TNIK: variants seen among roughly 807,000 people sequenced by gnomAD.
TNIK encodes TRAF2 and NCK interacting kinase, also known as TRAF2 and NCK-interacting protein kinase.
Under a neutral mutation model 191.3 loss-of-function variants are expected in TNIK, and 49 were observed. That is an observed-to-expected ratio of 0.26 (90% CI 0.20 to 0.32). The LOEUF (loss-of-function observed/expected upper bound fraction) is 0.32. Ranked by LOEUF, TNIK falls within the 10% of genes least tolerant of loss-of-function variation. The pLI, the probability that TNIK is intolerant of heterozygous loss-of-function variation, is 1.00. For synonymous variants in TNIK, 594 were observed against 600.9 expected, an observed-to-expected ratio of 0.99 and a Z score of 0.17; for missense variants, 1,155 against 1,702.3, an observed-to-expected ratio of 0.68 and a Z score of 5.66.
intron 1 of TNIK, among the ~76,000 whole-genome samples, chr3:171,393,494 T>G (rs1377519089): frequency 6.6e-6 from 1 of 152,222 alleles, no homozygotes; most frequent in East Asian, 1.9e-4. Flanking sequence ...TACCACTGGT[T>G]TTTAAACTCC....
intron 10 of TNIK, among the ~76,000 whole-genome samples, chr3:171,163,803 T>G (rs747235181): frequency 2.4e-4 from 37 of 152,164 alleles, no homozygotes; most frequent in Non-Finnish European, 4.6e-4. Flanking sequence ...AATTTAATAT[T>G]TAATACTTCA....
At chr3:171,142,899 A>C (rs1306196855) in intron 12 of TNIK, among the ~76,000 whole-genome samples, 3 of 152,218 alleles carry the variant, frequency 2.0e-5, no homozygotes, top group African/African-American at 7.2e-5. Flanking sequence ...AAAGGAAAAT[A>C]ATCAAGCCCT....
At chr3:171,240,096 C>T (rs998664847) in intron 2 of TNIK, among the ~76,000 whole-genome samples, 4 of 152,160 alleles carry the variant, frequency 2.6e-5, no homozygotes, top group Non-Finnish European at 5.9e-5. Flanking sequence ...TATCAGGTAG[C>T]TTCGTCTCAA....
intron 23 of TNIK, among the ~76,000 whole-genome samples, chr3:171,089,475 T>C (rs558863145): frequency 6.6e-6 from 1 of 152,184 alleles, no homozygotes; most frequent in Non-Finnish European, 1.5e-5. Context: ...TGGCCTCTCT[T>C]GTATCAGCAG....
intron 2 of TNIK, among the ~76,000 whole-genome samples, chr3:171,247,695 A>T (rs1218768090): frequency 6.6e-6 from 1 of 152,236 alleles, no homozygotes; most frequent in Non-Finnish European, 1.5e-5. Flanking sequence ...TATGACTGCA[A>T]ATCAAGGAAA....
intron 2 of TNIK, among the ~76,000 whole-genome samples, chr3:171,368,684 T>A (rs1245902467): frequency 1.3e-5 from 2 of 152,158 alleles, no homozygotes; most frequent in Admixed American, 1.3e-4. Context: ...TTGAAAATAT[T>A]ACAACCTGAA....
intron 2 of TNIK, among the ~76,000 whole-genome samples, chr3:171,308,187 A>AT (rs1753662048): frequency 6.6e-6 from 1 of 152,200 alleles, no homozygotes. Context: ...CTACAGTGCT[A>AT]TAGTAACCAA....
At chr3:171,236,202 C>T (rs992343235) in intron 2 of TNIK, among the ~76,000 whole-genome samples, 4 of 152,156 alleles carry the variant, frequency 2.6e-5, no homozygotes, top group Non-Finnish European at 4.4e-5. Context: ...TTGTAAATTG[C>T]CACAAATCAC....
chr3:171,081,653 T>A (rs1196887773), intron 27 of TNIK, among the ~76,000 whole-genome samples: 1 of 151,038 alleles, frequency 6.6e-6, no homozygotes, highest in East Asian at 1.9e-4. Context: ...TCTTTTAGGT[T>A]GCATTTTTAA....
chr3:171,129,163 T>C (rs1728905278), intron 15 of TNIK, among the ~76,000 whole-genome samples: 1 of 152,194 alleles, frequency 6.6e-6, no homozygotes, highest in African/African-American at 2.4e-5. Flanking sequence ...TATCTTGTAT[T>C]GATTGTGATA....
chr3:171,105,463 G>T (rs1296462522), intron 21 of TNIK, among the ~76,000 whole-genome samples: 1 of 152,188 alleles, frequency 6.6e-6, no homozygotes, highest in Non-Finnish European at 1.5e-5. Context: ...ATCAGCCGTG[G>T]TTGAGAGCCA....
intron 2 of TNIK, among the ~76,000 whole-genome samples, chr3:171,359,476 T>C (rs1314727683): frequency 2.6e-5 from 4 of 152,142 alleles, no homozygotes; most frequent in South Asian, 2.1e-4. Flanking sequence ...TCTGCCTTTG[T>C]TGTAGAGAGG....
At chr3:171,069,886 G>A (rs575419262) in intron 29 of TNIK, among the ~76,000 whole-genome samples, 5 of 152,168 alleles carry the variant, frequency 3.3e-5, no homozygotes, top group African/African-American at 4.8e-5. Context: ...AAGCTCTAGC[G>A]TCCTGTCCTT....
chr3:171,204,306 A>G (rs1339598574), intron 4 of TNIK, among the ~76,000 whole-genome samples: 8 of 152,202 alleles, frequency 5.3e-5, no homozygotes, highest in African/African-American at 1.9e-4. Flanking sequence ...GCTAAACAAG[A>G]GTTTATCTCT....
At chr3:171,290,512 AATTATT>A (rs1009378986) in intron 2 of TNIK, among the ~76,000 whole-genome samples, 43 of 152,338 alleles carry the variant, frequency 2.8e-4, no homozygotes, top group African/African-American at 9.9e-4. Flanking sequence ...GAGAAATGGC[AATTATT>A]ATTATATGTC....
At chr3:171,280,750 T>A in intron 2 of TNIK, among the ~76,000 whole-genome samples, 1 of 152,244 alleles carries the variant, frequency 6.6e-6, no homozygotes, top group African/African-American at 2.4e-5. Flanking sequence ...TGTTGATATA[T>A]AACATTATAT....
intron 18 of TNIK, among the ~76,000 whole-genome samples, chr3:171,120,427 T>C (rs1307172837): frequency 2.0e-5 from 3 of 151,452 alleles, no homozygotes; most frequent in Non-Finnish European, 4.4e-5. Context: ...TTCGCGCCAT[T>C]CTCCTGCCTC....
intron 1 of TNIK, among the ~76,000 whole-genome samples, chr3:171,378,311 C>T (rs940186841): frequency 3.3e-5 from 5 of 152,154 alleles, no homozygotes; most frequent in Non-Finnish European, 5.9e-5. Flanking sequence ...AAGCCTGAAT[C>T]GAATCCCAGC....
intron 2 of TNIK, among the ~76,000 whole-genome samples, chr3:171,264,077 C>T (rs888342996): frequency 1.4e-4 from 13 of 96,262 alleles, no homozygotes; most frequent in Admixed American, 1.3e-3. Flanking sequence ...TACACACACA[C>T]ACACACACAC....
Sources: gnomAD v4.1 joint callset for allele counts (sites outside exome capture counted in the v4.1 genomes callset) on GRCh38, gnomAD v4.1.1 for gene constraint, MANE v1.5 for transcripts, NCBI Gene and HGNC (gene_info 2026-07-23, HGNC 2026-07-21) for gene names.